Variants in CTSB observed in about 807,000 individuals in gnomAD.
The protein encoded by CTSB is APP secretase.
A neutral mutation model predicts 44.3 loss-of-function variants in CTSB; 57 were observed. That is an observed-to-expected ratio of 1.29 (90% CI 1.04 to 1.60). CTSB has a LOEUF of 1.60. CTSB is among the 40% of genes most tolerant of loss of function. The pLI, the probability that CTSB is intolerant of heterozygous loss-of-function variation, is 0.00. For synonymous variants in CTSB, 320 were observed against 168.0 expected, an observed-to-expected ratio of 1.91 and a Z score of -7.00; for missense variants, 768 against 443.0, an observed-to-expected ratio of 1.73 and a Z score of -6.59.
rs1325076706 is a variant in CTSB, at chr8:11,844,717, C to CT, written c.*407_*408insA. 2 of 169,726 alleles carry CT rather than the reference C, an allele frequency of 1.2e-5. No individual in the cohort carries two copies. Among genetic ancestry groups the CT allele is most frequent in the Non-Finnish European group, 2.5e-5 (2 of 79,004 alleles). 10.5% of individuals were successfully genotyped at this position (169,726 alleles called of 1,614,324 possible). ...ACCGTCTCTCCTCTGATTTCTGTGACAAATGTGGAAAGCTACTTGCTTGGA... is the reference window on the plus strand; with the variant it reads ...ACCGTCTCTCCTCTGATTTCTGTGACTAAATGTGGAAAGCTACTTGCTTGGA... On this transcript the variant is annotated 3_prime_UTR_variant, in exon 10 of 10. Transcript: ENST00000353047.
intron 2 of CTSB, 128 bp from the exon 3 acceptor site, chr8:11,852,823 G>A: frequency 2.6e-6 from 2 of 774,978 alleles, no homozygotes; most frequent in Non-Finnish European, 4.2e-6. Flanking sequence ...CAAGGGTTGG[G>A]GGGCACTGGG....
At chr8:11,853,608 A>C (rs983158304) in intron 1 of CTSB, 129 bp from the exon 2 acceptor site, 5 of 887,454 alleles carry the variant, frequency 5.6e-6, no homozygotes, top group Non-Finnish European at 8.2e-6. Flanking sequence ...AGAACTCTTA[A>C]GGAGCTGAGG....
At position 11,848,106 on chromosome 8, in the gene CTSB, T is replaced by C. The variant is rs1813792810; in HGVS notation, c.493A>G (p.Lys165Glu). ...TAGAGGCCACCAGAAACCAGGCCTT[T>C]TCTTGTCCAGAAGTTCCAAGCTTCA... ...PAEAWNFWTRKGLVSGGLYES... is the reference protein window; with the variant it reads ...PAEAWNFWTREGLVSGGLYES... The change falls in exon 6 of 10, where the codon AAA becomes GAA. Residue 165 changes from lysine to glutamate, a missense_variant. By Grantham distance (56) the Lys-to-Glu change is moderately conservative. Transcript: ENST00000353047. 6.2e-7 allele frequency: 1 copy of C among 1,614,158 alleles called. No homozygotes were observed. The highest frequency in any genetic ancestry group is 8.5e-7 in the Non-Finnish European group (1 of 1,180,004).
chr8:11,851,479 C>T (rs1435526928), intron 3 of CTSB, among the ~76,000 whole-genome samples: 1 of 152,150 alleles, frequency 6.6e-6, no homozygotes, highest in Admixed American at 6.5e-5. Context: ...CATGATCCAC[C>T]ACACCTGGCC....
chr8:11,846,936 C>A lies in CTSB; in HGVS notation c.793+116G>T, dbSNP rs1813477209. 2.5e-5 allele frequency: 18 copies of A among 715,598 alleles called. 1 individual carries two copies. In the South Asian group the frequency reaches 2.5e-4, roughly 10 times the overall value. 44.3% of individuals were successfully genotyped at this position (715,598 alleles called of 1,614,324 possible). A position where few individuals can be genotyped will look rare whatever the true frequency, so the allele number is the denominator to read the frequency against. The stretch of plus-strand genomic sequence containing the variant: ...ATGGAAGGCCCCACACAGCCCTCTT[C>A]CCCAGCCCCTCACCTGCCTGCCCAA... On this transcript the variant is annotated intron_variant, in intron 8 of 9. Transcript: ENST00000353047.
At chr8:11,863,916 C>T (rs974433197) in intron 1 of CTSB, among the ~76,000 whole-genome samples, 1 of 152,164 alleles carries the variant, frequency 6.6e-6, no homozygotes, top group Admixed American at 6.6e-5. Context: ...GAAACAAACT[C>T]TCCCACATGT....
intron 1 of CTSB, chr8:11,867,548 A>T (rs971205027): frequency 1.3e-5 from 2 of 152,234 alleles, no homozygotes; most frequent in African/African-American, 4.8e-5. Flanking sequence ...GGGGGAAATA[A>T]ACCGAAAATA....
intron 1 of CTSB, chr8:11,865,437 A>G (rs1816981648): frequency 6.6e-6 from 1 of 152,114 alleles, no homozygotes; most frequent in African/African-American, 2.4e-5. Context: ...AAAAATAAAA[A>G]AATTAGCTGA....
chr8:11,846,746 G>C (rs1363998081), intron 8 of CTSB, among the ~76,000 whole-genome samples: 1 of 152,242 alleles, frequency 6.6e-6, no homozygotes, highest in Non-Finnish European at 1.5e-5. Context: ...CCAGCCACCA[G>C]GGAGGGGGGC....
intron 6 of CTSB, 107 bp downstream of exon 6, chr8:11,847,960 G>T: frequency 1.5e-6 from 2 of 1,329,378 alleles, no homozygotes; most frequent in Non-Finnish European, 2.1e-6. Flanking sequence ...GCACCTCTCA[G>T]CAGCCCCTCT....
At chr8:11,853,189 A>G in intron 2 of CTSB, 140 bp downstream of exon 2, 1 of 1,161,586 alleles carries the variant, frequency 8.6e-7, no homozygotes, top group Non-Finnish European at 1.2e-6. Flanking sequence ...AGCCGACATG[A>G]CTCAGGGTCA....
intron 1 of CTSB, among the ~76,000 whole-genome samples, chr8:11,859,030 A>G (rs963935257): frequency 4.6e-5 from 7 of 152,142 alleles, no homozygotes; most frequent in African/African-American, 1.7e-4. Context: ...GTGGAAGAAC[A>G]GCTGCGAGCA....
chr8:11,858,253 T>A (rs1360021751), intron 1 of CTSB, among the ~76,000 whole-genome samples: 8 of 152,180 alleles, frequency 5.3e-5, no homozygotes, highest in Non-Finnish European at 4.4e-5. Flanking sequence ...CCTATTCCAA[T>A]AGGTCCCCAA....
intron 1 of CTSB, among the ~76,000 whole-genome samples, chr8:11,864,715 G>C (rs1408573972): frequency 6.6e-6 from 1 of 152,076 alleles, no homozygotes; most frequent in Non-Finnish European, 1.5e-5. Flanking sequence ...CCAACACTTT[G>C]GGAGGCGAGG....
At chr8:11,851,991 CTTAAA>C (rs1237456036) in intron 3 of CTSB, among the ~76,000 whole-genome samples, 3 of 152,184 alleles carry the variant, frequency 2.0e-5, no homozygotes, top group African/African-American at 4.8e-5. Flanking sequence ...TTAGATTTCC[CTTAAA>C]TTACTCAAGA....
intron 2 of CTSB, 60 bp from the exon 3 acceptor site, chr8:11,852,755 T>C: frequency 6.7e-7 from 1 of 1,497,612 alleles, no homozygotes; most frequent in Non-Finnish European, 9.3e-7. Context: ...ATGGGCACGC[T>C]GCCCACACAC....
Position 11,867,744 on chromosome 8 carries a change from G to GA in CTSB, c.-26+256dup, listed in dbSNP as rs1306792588. ...GGTCCGGCGCACAGCCCGGGGAGGG[G>GA]AGCGGAGGGCAGAGGGCTGGCGGGC... On this transcript the variant is annotated intron_variant, in intron 1 of 9. Transcript: ENST00000353047. The GA allele has an allele frequency of 2.0e-5, 3 of 152,370 alleles. No individual in the cohort carries two copies. In the East Asian group the frequency reaches 5.8e-4, roughly 30 times the overall value. 9.4% of individuals were successfully genotyped at this position (152,370 alleles called of 1,614,324 possible).
chr8:11,853,563 A>C (rs1814991659), intron 1 of CTSB, 84 bp from the exon 2 acceptor site: 1 of 1,381,064 alleles, frequency 7.2e-7, no homozygotes. Flanking sequence ...CTCGGGCATC[A>C]GTGGGGACCC....
chr8:11,845,760 T>C lies in CTSB; in HGVS notation c.823A>G (p.Met275Val). 1.2e-6 allele frequency: 2 copies of C among 1,614,020 alleles called. No individual in the cohort carries two copies. The highest frequency in any genetic ancestry group is 1.7e-6 in the Non-Finnish European group (2 of 1,179,932). Reference sequence around the variant, plus strand: ...AGGATGCGGATGGCATGGCCACCCATCATCTCTCCGGTGACGTGTTGGTAC... The same window carrying C: ...AGGATGCGGATGGCATGGCCACCCACCATCTCTCCGGTGACGTGTTGGTAC... ...GVYQHVTGEM[M>V]GGHAIRILGW... is the part of the protein sequence containing the mutation. The change falls in exon 9 of 10, where the codon ATG becomes GTG. Residue 275 changes from methionine to valine, a missense_variant. Coordinates refer to ENST00000353047, the MANE Select transcript of CTSB (RefSeq NM_001908.5).
Sources: allele counts gnomAD v4.1 joint callset (sites outside exome capture counted in the v4.1 genomes callset), GRCh38; gene constraint gnomAD v4.1.1; transcripts MANE v1.5; gene names NCBI Gene and HGNC (gene_info 2026-07-23, HGNC 2026-07-21).